Variants in AP4E1 observed in about 807,000 individuals in gnomAD.
AP4E1 encodes the protein AP-4 complex subunit epsilon-1.
Under a neutral mutation model 128.2 loss-of-function variants are expected in AP4E1, and 56 were observed. The ratio of observed to expected loss-of-function variants is 0.44; its 90% CI spans 0.35 to 0.55. AP4E1 has a LOEUF of 0.55. Among genes scored for constraint, AP4E1 ranks in the 20% least tolerant of loss-of-function variants. AP4E1 has a pLI of 0.00. For missense variants in AP4E1, 1,324 were observed against 1,307.7 expected (o/e 1.01, Z -0.19); for synonymous variants, 484 against 473.1 (o/e 1.02, Z -0.30).
chr15:50,915,662 G>A, intron 3 of AP4E1, 91 bp downstream of exon 3: 1 of 1,411,598 alleles, frequency 7.1e-7, no homozygotes, highest in South Asian at 1.2e-5. Flanking sequence ...TATATAGTAT[G>A]TTTTTAGAAT....
At chr15:50,937,240 A>G (rs575286226) in intron 8 of AP4E1, among the ~76,000 whole-genome samples, 1 of 152,334 alleles carries the variant, frequency 6.6e-6, no homozygotes, top group South Asian at 2.1e-4. Flanking sequence ...ATTAACCAGC[A>G]TATCTCAGTA....
At chr15:50,926,494 A>G (rs1372298238) in intron 5 of AP4E1, among the ~76,000 whole-genome samples, 2 of 152,066 alleles carry the variant, frequency 1.3e-5, no homozygotes, top group Non-Finnish European at 1.5e-5. Flanking sequence ...TGTCAGTTAT[A>G]TATTCTTGAT....
chr15:50,920,595 T>G (rs1385475328), intron 3 of AP4E1, among the ~76,000 whole-genome samples: 1 of 151,880 alleles, frequency 6.6e-6, no homozygotes, highest in Non-Finnish European at 1.5e-5. Flanking sequence ...GGACGGGGTT[T>G]CACCGTGTTA....
intron 2 of AP4E1, among the ~76,000 whole-genome samples, chr15:50,913,880 C>T (rs1418634446): frequency 2.0e-5 from 3 of 152,160 alleles, no homozygotes; most frequent in Non-Finnish European, 4.4e-5. Context: ...ACTGCGTGAT[C>T]TTGGCTCACT....
At chr15:50,997,137 C>A in intron 17 of AP4E1, among the ~76,000 whole-genome samples, 189 bp from the exon 18 acceptor site, 1 of 152,068 alleles carries the variant, frequency 6.6e-6, no homozygotes, top group Non-Finnish European at 1.5e-5. Flanking sequence ...GCTAATAGTT[C>A]AAAGTTATAT....
chr15:50,995,350 A>G (rs953026290), intron 17 of AP4E1, among the ~76,000 whole-genome samples: 12 of 150,926 alleles, frequency 8.0e-5, no homozygotes, highest in African/African-American at 2.9e-4. Flanking sequence ...ATATCACTTT[A>G]GAAAGGCCAA....
At chr15:50,965,801 CA>C (rs1311692452) in intron 14 of AP4E1, among the ~76,000 whole-genome samples, 1 of 152,168 alleles carries the variant, frequency 6.6e-6, no homozygotes, top group Non-Finnish European at 1.5e-5. Flanking sequence ...GGAGCTTGAT[CA>C]TCCACCTTTT....
intron 10 of AP4E1, among the ~76,000 whole-genome samples, chr15:50,946,169 TCTAA>T (rs776616338): frequency 5.5e-4 from 84 of 152,330 alleles, no homozygotes; most frequent in Non-Finnish European, 1.5e-4. Context: ...ATAAAGACTA[TCTAA>T]CTATTTTATC....
intron 13 of AP4E1, among the ~76,000 whole-genome samples, chr15:50,957,125 T>A (rs771349122): frequency 6.6e-6 from 1 of 152,160 alleles, no homozygotes; most frequent in Admixed American, 6.5e-5. Flanking sequence ...TGGGCCCTTT[T>A]GTATCTGCAC....
intron 1 of AP4E1, among the ~76,000 whole-genome samples, chr15:50,910,019 C>T (rs2063545347): frequency 6.6e-6 from 1 of 152,206 alleles, no homozygotes; most frequent in South Asian, 2.1e-4. Flanking sequence ...CGGAGTCTCG[C>T]TCTGTCGCCC....
chr15:50,961,262 C>A (rs1466469138), intron 14 of AP4E1, among the ~76,000 whole-genome samples: 2 of 151,840 alleles, frequency 1.3e-5, no homozygotes, highest in African/African-American at 4.8e-5. Flanking sequence ...TTTTATATGG[C>A]CAGCATTACC....
intron 15 of AP4E1, among the ~76,000 whole-genome samples, chr15:50,978,243 A>G (rs2064585542): frequency 6.6e-6 from 1 of 152,214 alleles, no homozygotes; most frequent in Non-Finnish European, 1.5e-5. Flanking sequence ...CTATTAAAAT[A>G]TTAATAAAAT....
rs2063953951 is a variant in AP4E1, at chr15:50,939,482, C to G, written c.944-1960C>G. On this transcript the variant is annotated intron_variant, in intron 8 of 20. Coordinates refer to ENST00000261842, the MANE Select transcript of AP4E1 (RefSeq NM_007347.5). ...TTACTTCACCACCACAGAGAGGAGA[C>G]AGCAGAGTGGCTGCTCTTTCAATTA... Among the ~76,000 whole-genome samples, 7 of 151,454 alleles carry G rather than the reference C, an allele frequency of 4.6e-5. No homozygotes were observed. In the South Asian group the frequency reaches 1.5e-3, roughly 32 times the overall value.
At chr15:50,933,570 AT>A (rs11353844) in intron 7 of AP4E1, among the ~76,000 whole-genome samples, 2,087 of 151,998 alleles carry the variant, frequency 0.014, 52 homozygotes, top group African/African-American at 0.048. Flanking sequence ...AATATTACCA[AT>A]TTTTTTTGGG....
In AP4E1 at chr15:50,949,835, T is replaced by C. The variant is rs1347525959; in HGVS notation, c.1326T>C (p.Pro442=). 6.2e-7 allele frequency: 1 copy of C among 1,612,452 alleles called. No individual in the cohort carries two copies. The highest frequency in any genetic ancestry group is 1.1e-5 in the South Asian group (1 of 91,056). ...KIAELAEKYA[P]DNAWFIQTMN... Reference sequence around the variant, plus strand: ...TTAACACTGTGGACACATATGCTCCTGATAATGCATGGTTTATTCAGACAA... The same window carrying C: ...TTAACACTGTGGACACATATGCTCCCGATAATGCATGGTTTATTCAGACAA... Residue 442 remains proline, a synonymous_variant, in exon 12 of 21, where the codon CCT becomes CCC. Coordinates refer to ENST00000261842, the MANE Select transcript of AP4E1 (RefSeq NM_007347.5).
intron 14 of AP4E1, 61 bp downstream of exon 14, chr15:50,958,855 G>GC: frequency 6.6e-7 from 1 of 1,518,612 alleles, no homozygotes; most frequent in Non-Finnish European, 9.1e-7. Context: ...AGTAATTCTT[G>GC]CATTTGTGAC....
At chr15:50,924,656 A>G (rs2063747795) in intron 4 of AP4E1, among the ~76,000 whole-genome samples, 1 of 152,134 alleles carries the variant, frequency 6.6e-6, no homozygotes, top group African/African-American at 2.4e-5. Flanking sequence ...TTTAGGTTCT[A>G]TTAGAATAGT....
chr15:50,976,331 T>A (rs2064549909), intron 15 of AP4E1, among the ~76,000 whole-genome samples: 1 of 152,238 alleles, frequency 6.6e-6, no homozygotes, highest in Non-Finnish European at 1.5e-5. Context: ...TGAATACCCT[T>A]TCATGATTAA....
At chr15:50,999,326 T>C in intron 19 of AP4E1, 64 bp downstream of exon 19, 1 of 1,407,046 alleles carries the variant, frequency 7.1e-7, no homozygotes, top group East Asian at 2.4e-5. Flanking sequence ...AGACCTCTTC[T>C]CTGGATGGAG....
Sources: allele counts gnomAD v4.1 joint callset (sites outside exome capture counted in the v4.1 genomes callset), GRCh38; gene constraint gnomAD v4.1.1; transcripts MANE v1.5; gene names NCBI Gene and HGNC (gene_info 2026-07-23, HGNC 2026-07-21).